Variants in BDP1 observed in about 807,000 individuals in gnomAD.
BDP1 encodes transcription factor TFIIIB component B'' homolog.
A neutral mutation model predicts 266.6 loss-of-function variants in BDP1; 169 were observed. The observed-to-expected ratio is 0.63, with a 90% confidence interval of 0.56 to 0.72. The LOEUF (loss-of-function observed/expected upper bound fraction) is 0.72. BDP1 is among the 30% of genes least tolerant of loss of function. The pLI is 0.00. For missense variants in BDP1, 3,015 were observed against 3,053.8 expected (o/e 0.99, Z 0.30); for synonymous variants, 1,090 against 1,022.4 (o/e 1.07, Z -1.26).
intron 32 of BDP1, 100 bp from the exon 33 acceptor site, chr5:71,548,579 ATGT>A (rs1742500529): frequency 2.7e-6 from 2 of 735,566 alleles, no homozygotes; most frequent in African/African-American, 1.7e-5. Flanking sequence ...ATATGGTTAG[ATGT>A]TGTTGAGTTA....
intron 7 of BDP1, among the ~76,000 whole-genome samples, chr5:71,475,248 C>A (rs1428360101): frequency 6.6e-6 from 1 of 152,056 alleles, no homozygotes. Context: ...GCTGGGACTA[C>A]AGGCACATGC....
At chr5:71,480,212 G>C (rs374433853) in intron 7 of BDP1, among the ~76,000 whole-genome samples, 1 of 148,958 alleles carries the variant, frequency 6.7e-6, no homozygotes, top group East Asian at 2.0e-4. Context: ...CTGGGTTCAG[G>C]TGATTCTCCT....
rs190685109 is a variant in BDP1, at chr5:71,461,911, A to C, written c.584A>C (p.Asp195Ala). The C allele has an allele frequency of 2.0e-6, 3 of 1,508,144 alleles. No homozygotes were observed. Among genetic ancestry groups the C allele is most frequent in the African/African-American group, 2.8e-5 (2 of 72,148 alleles). 93.4% of individuals were successfully genotyped at this position (1,508,144 alleles called of 1,614,324 possible). Reference sequence around the variant, plus strand: ...AGAGACTTCATATATTATCTACCAGATAATAATCCAATGACGTAAGTAAAA... The same window carrying C: ...AGAGACTTCATATATTATCTACCAGCTAATAATCCAATGACGTAAGTAAAA... ...TMRDFIYYLP[D>A]NNPMTSSLEQ... Residue 195 changes from aspartate to alanine, a missense_variant, in exon 3 of 39, where the codon GAT (aspartate) becomes GCT (alanine). Asp to Ala is a moderately radical substitution (Grantham distance 126). Coordinates refer to ENST00000358731, the MANE Select transcript of BDP1 (RefSeq NM_018429.3).
chr5:71,502,891 A>G (rs953802706), intron 15 of BDP1, 100 bp downstream of exon 15: 3 of 782,752 alleles, frequency 3.8e-6, no homozygotes, highest in African/African-American at 1.8e-5. Flanking sequence ...ACATACATAC[A>G]TTTATTTATT....
intron 1 of BDP1, among the ~76,000 whole-genome samples, chr5:71,458,347 G>T (rs1404295004): frequency 1.3e-5 from 2 of 151,928 alleles, no homozygotes; most frequent in Non-Finnish European, 2.9e-5. Flanking sequence ...AATGTGCCTA[G>T]GGACTTTATG....
At chr5:71,508,252 C>T (rs1011642081) in intron 16 of BDP1, among the ~76,000 whole-genome samples, 3 of 152,144 alleles carry the variant, frequency 2.0e-5, no homozygotes, top group African/African-American at 7.2e-5. Context: ...GGCTGAGCCA[C>T]CATGCCCAGC....
At chr5:71,573,940 T>C in the BDP1 span, among the ~76,000 whole-genome samples, 1 of 152,208 alleles carries the variant, frequency 6.6e-6, no homozygotes, top group Non-Finnish European at 1.5e-5. Context: ...AGCGTCAGAT[T>C]CCTCATACCG....
rs186243164 is a variant in BDP1, at chr5:71,566,838, G to A, written c.*1953G>A. ...ATGTAATGATCAGTATTTCAGTTGG[G>A]AAGATATTTTAGAGTCTAGATAATT... On this transcript the variant is annotated 3_prime_UTR_variant, in exon 39 of 39. Coordinates refer to ENST00000358731, the MANE Select transcript of BDP1 (RefSeq NM_018429.3). 346 of 152,308 alleles carry A rather than the reference G, an allele frequency of 2.3e-3. 2 individuals are homozygous for A. The highest frequency in any genetic ancestry group is 8.0e-3 in the African/African-American group (333 of 41,572). The allele number at this position is 152,308 out of a possible 1,614,324, so 9.4% of individuals were successfully genotyped here. A position where few individuals can be genotyped will look rare whatever the true frequency, so the allele number is the denominator to read the frequency against.
intron 32 of BDP1, among the ~76,000 whole-genome samples, chr5:71,547,330 T>C (rs977876488): frequency 4.6e-5 from 7 of 152,032 alleles, no homozygotes; most frequent in African/African-American, 1.7e-4. Flanking sequence ...TCTGGATTTC[T>C]TTTTTTTAAT....
intron 25 of BDP1, among the ~76,000 whole-genome samples, chr5:71,524,786 C>CCG (rs1374510776): frequency 2.0e-4 from 30 of 150,218 alleles, no homozygotes; most frequent in Non-Finnish European, 1.5e-5. Flanking sequence ...CTGCGGCCTT[C>CCG]CGCAGTGTTT....
intron 37 of BDP1, among the ~76,000 whole-genome samples, chr5:71,561,596 T>A (rs773851268): frequency 6.6e-6 from 1 of 152,206 alleles, no homozygotes; most frequent in Non-Finnish European, 1.5e-5. Context: ...ATAGACCATA[T>A]GTAAACAGAT....
chr5:71,554,357 T>G (rs1281600538), intron 35 of BDP1, among the ~76,000 whole-genome samples: 1 of 152,226 alleles, frequency 6.6e-6, no homozygotes, highest in Non-Finnish European at 1.5e-5. Flanking sequence ...TATATGTCTG[T>G]GGTAATGAGT....
chr5:71,497,874 G>A (rs1162359052), intron 13 of BDP1, among the ~76,000 whole-genome samples: 2 of 152,022 alleles, frequency 1.3e-5, no homozygotes, highest in African/African-American at 2.4e-5. Flanking sequence ...CTGCAGCCTC[G>A]AAATCCTGAG....
At chr5:71,556,012 ATTTG>A (rs1027200558) in intron 35 of BDP1, among the ~76,000 whole-genome samples, 72 of 152,144 alleles carry the variant, frequency 4.7e-4, no homozygotes, top group African/African-American at 1.6e-3. Flanking sequence ...ATGTCTTTCC[ATTTG>A]TTTAAGTCTT....
In BDP1 at chr5:71,510,782, T is replaced by C. The variant is rs777698556; in HGVS notation, c.3690T>C (p.Ile1230=). 2 of 1,613,860 alleles carry C rather than the reference T, an allele frequency of 1.2e-6. No individual in the cohort carries two copies. Among genetic ancestry groups the C allele is most frequent in the South Asian group, 1.1e-5 (1 of 91,032 alleles). ...AAATGGAGACAGATTTGAAAGAAAT[T>C]AGAGAAGAAATTTCCCAAAGGGAAA... ...VGKMETDLKE[I]REEISQREKV... The change falls in exon 17 of 39, where the codon ATT becomes ATC. Residue 1230 remains isoleucine (I), a synonymous_variant. Transcript: ENST00000358731.
chr5:71,486,715 A>T, intron 9 of BDP1, 88 bp downstream of exon 9: 2 of 1,097,142 alleles, frequency 1.8e-6, no homozygotes, highest in Middle Eastern at 3.2e-4. Context: ...GTTCATGTGT[A>T]GCTCAGGTAG....
Position 71,562,341 on chromosome 5 carries a change from C to A in BDP1, c.7564C>A (p.Pro2522Thr). 6.2e-7 allele frequency: 1 copy of A among 1,612,606 alleles called. No individual in the cohort carries two copies. The highest frequency in any genetic ancestry group is 1.1e-5 in the South Asian group (1 of 91,050). Residue 2522 changes from proline (P) to threonine (T), a missense_variant, in exon 38 of 39, where the codon CCT (proline) becomes ACT (threonine). Physicochemically the swap from Pro to Thr is conservative, Grantham distance 38 (BLOSUM62 -1). This residue lies in a region of BDP1 where 629 missense variants were observed against 632.5 expected (regional missense o/e 0.99). Transcript: ENST00000358731. ...AAAGAATAGTTTGGAGTCTGATGAACCTATGCAAGTCCATAGTAAGAAACG... is the reference window on the plus strand; with the variant it reads ...AAAGAATAGTTTGGAGTCTGATGAAACTATGCAAGTCCATAGTAAGAAACG... ...CSKNSLESDE[P>T]MQVHSKKRLK...
rs541236383 is a variant in BDP1, at chr5:71,502,029, G to A, written c.2048+376G>A. ...GGGTTACCATTTATACTATGATTTGGGACTAATCCCCTGGAGTTCTACATT... is the reference window on the plus strand; with the variant it reads ...GGGTTACCATTTATACTATGATTTGAGACTAATCCCCTGGAGTTCTACATT... On this transcript the variant is annotated intron_variant, in intron 14 of 38. Transcript: ENST00000358731. 9.5e-4 allele frequency among the ~76,000 whole-genome samples: 144 copies of A among 152,112 alleles called. 1 individual carries two copies. The highest frequency in any genetic ancestry group is 2.9e-3 in the African/African-American group (119 of 41,494).
Position 71,490,974 on chromosome 5 carries a change from G to A in BDP1, c.1493-10G>A. On this transcript the variant is annotated splice_polypyrimidine_tract_variant and intron_variant, in intron 10 of 38. Transcript: ENST00000358731. ...CATTTTTTAGAATAACATGCATTTT[G>A]TATTTGTAGATAAATGTCAGGCTAT... 1.3e-6 allele frequency: 2 copies of A among 1,588,698 alleles called. No homozygotes were observed. The highest frequency in any genetic ancestry group is 1.7e-6 in the Non-Finnish European group (2 of 1,168,536).
Sources: allele counts gnomAD v4.1 joint callset (sites outside exome capture counted in the v4.1 genomes callset), GRCh38; gene constraint gnomAD v4.1.1; regional missense constraint gnomAD v4.1.1; transcripts MANE v1.5; gene names NCBI Gene and HGNC (gene_info 2026-07-23, HGNC 2026-07-21).